Variants in EYA3 observed in about 807,000 individuals in gnomAD.
EYA3 encodes EYA transcriptional coactivator and phosphatase 3.
A neutral mutation model predicts 80.0 loss-of-function variants in EYA3; 39 were observed. The observed-to-expected ratio is 0.49, with a 90% CI of 0.38 to 0.64. The LOEUF is 0.64. Ranked by LOEUF, EYA3 falls within the 30% of genes least tolerant of loss-of-function variation. The pLI, the probability that EYA3 is intolerant of heterozygous loss-of-function variation, is 0.00. For missense variants in EYA3, 523 were observed against 676.1 expected (o/e 0.77, Z 2.51); for synonymous variants, 206 against 232.8 (o/e 0.88, Z 1.05).
chr1:28,038,940 T>A, intron 4 of EYA3, 35 bp from the exon 5 acceptor site: 2 of 1,484,628 alleles, frequency 1.3e-6, no homozygotes, highest in Non-Finnish European at 1.9e-6. Flanking sequence ...GTTAAAAAGT[T>A]AGAACATTTC....
In EYA3 at chr1:28,085,529, C is replaced by G. The variant is rs74596317; in HGVS notation, c.-69+2995G>C. Among the ~76,000 whole-genome samples the G allele has an allele frequency of 2.6e-3, 398 of 152,168 alleles. 1 individual carries two copies. The highest frequency in any genetic ancestry group is 8.8e-3 in the African/African-American group (365 of 41,512). On this transcript the variant is annotated intron_variant, in intron 1 of 17. Coordinates refer to ENST00000373871, the MANE Select transcript of EYA3 (RefSeq NM_001990.4). The stretch of plus-strand genomic sequence containing the variant: ...CAGGATTCAAGGACCAAAAAACAAA[C>G]AAACAAAACAAGTAAGACAAAGTAC...
At chr1:28,082,118 T>C (rs1253965816) in intron 1 of EYA3, among the ~76,000 whole-genome samples, 2 of 152,042 alleles carry the variant, frequency 1.3e-5, no homozygotes, top group African/African-American at 4.8e-5. Context: ...AAAGCTACTA[T>C]AAAAAAACAG....
chr1:28,017,054 A>T (rs1642116155), intron 8 of EYA3, 100 bp downstream of exon 8: 3 of 1,008,572 alleles, frequency 3.0e-6, no homozygotes. Context: ...AGCCCATACT[A>T]TTCCTGGTTG....
At chr1:27,984,494 CT>C (rs1174473420) in intron 16 of EYA3, among the ~76,000 whole-genome samples, 1 of 151,948 alleles carries the variant, frequency 6.6e-6, no homozygotes, top group African/African-American at 2.4e-5. Flanking sequence ...AAAAACTTAC[CT>C]TTTGCGGTAA....
Position 28,013,142 on chromosome 1 carries a change from C to T in EYA3, c.738G>A (p.Ala246=), listed in dbSNP as rs781282483. The change falls in exon 9 of 18, where the codon GCG becomes GCA. Residue 246 remains alanine (A), a synonymous_variant. Coordinates refer to ENST00000373871, the MANE Select transcript of EYA3 (RefSeq NM_001990.4). This position sits in a 1 kb window ranked among gnomAD's most constrained non-coding sequence, Gnocchi z 4.0. ...TYQSEKPSVM[A]PAPAAQRLSS... ...AAAGTCTCTGTGCTGCAGGTGCAGGCGCCATGACACTAGGCTTCTCCGACT... is the reference window on the plus strand; with the variant it reads ...AAAGTCTCTGTGCTGCAGGTGCAGGTGCCATGACACTAGGCTTCTCCGACT... The T allele has an allele frequency of 8.1e-6, 13 of 1,613,562 alleles. No individual in the cohort carries two copies. In the African/African-American group the frequency reaches 1.2e-4, roughly 15 times the overall value.
chr1:28,068,669 T>G (rs1644916934), intron 1 of EYA3, among the ~76,000 whole-genome samples: 1 of 152,182 alleles, frequency 6.6e-6, no homozygotes, highest in African/African-American at 2.4e-5. Context: ...GACATTCTTT[T>G]TATGCTACGT....
chr1:28,033,037 G>A (rs1643235306), intron 6 of EYA3, among the ~76,000 whole-genome samples: 1 of 152,104 alleles, frequency 6.6e-6, no homozygotes, highest in Admixed American at 6.6e-5. Context: ...ATACTATACA[G>A]CGTGAAATAC....
chr1:28,057,098 A>G (rs1229238283), intron 2 of EYA3, among the ~76,000 whole-genome samples: 1 of 152,204 alleles, frequency 6.6e-6, no homozygotes, highest in Admixed American at 6.5e-5. Flanking sequence ...GGCTAGAAGA[A>G]TAATGACAAA....
chr1:28,050,506 A>C (rs1223584060), intron 2 of EYA3, among the ~76,000 whole-genome samples: 1 of 151,932 alleles, frequency 6.6e-6, no homozygotes, highest in Non-Finnish European at 1.5e-5. Flanking sequence ...CTGGCCAAAA[A>C]TTTATTTACT....
intron 10 of EYA3, among the ~76,000 whole-genome samples, chr1:28,005,846 T>A (rs1641229908): frequency 6.6e-6 from 1 of 152,156 alleles, no homozygotes; most frequent in South Asian, 2.1e-4. Context: ...GGCTCATGCC[T>A]ATAATTCCAG....
Position 28,042,602 on chromosome 1 carries a change from G to A in EYA3, c.126C>T (p.Ser42=), listed in dbSNP as rs1361519342. The change falls in exon 4 of 18, where the codon AGC becomes AGT. Residue 42 remains serine (S), a synonymous_variant. Coordinates refer to ENST00000373871, the MANE Select transcript of EYA3 (RefSeq NM_001990.4). ...DVSDQKPETS[S]LASNLPMSEE... Reference sequence around the variant, plus strand: ...CTGACATGGGAAGGTTTGAAGCAAGGCTTGATGTTTCAGGCTTCTGATCAC... The same window carrying A: ...CTGACATGGGAAGGTTTGAAGCAAGACTTGATGTTTCAGGCTTCTGATCAC... 6.2e-7 allele frequency: 1 copy of A among 1,614,178 alleles called. No individual in the cohort carries two copies.
chr1:28,018,363 G>C (rs1197397029), intron 7 of EYA3, among the ~76,000 whole-genome samples: 1 of 152,176 alleles, frequency 6.6e-6, no homozygotes, highest in African/African-American at 2.4e-5. Context: ...GCACTAACCA[G>C]TGACTTTTCT....
chr1:27,979,692 T>G (rs1374081560), intron 16 of EYA3, among the ~76,000 whole-genome samples: 1 of 152,240 alleles, frequency 6.6e-6, no homozygotes, highest in Non-Finnish European at 1.5e-5. Context: ...TTTGGCTTTC[T>G]TCTTCATCCT....
chr1:28,071,557 A>G (rs576127401), intron 1 of EYA3, among the ~76,000 whole-genome samples: 1 of 152,314 alleles, frequency 6.6e-6, no homozygotes, highest in East Asian at 1.9e-4. Flanking sequence ...TCATTGGAAA[A>G]ACGTGACTTT....
chr1:28,030,672 C>T (rs186099390), intron 6 of EYA3, among the ~76,000 whole-genome samples: 2 of 152,302 alleles, frequency 1.3e-5, no homozygotes, highest in Admixed American at 1.3e-4. Context: ...TTTTAAGAGA[C>T]TGAGGAATAC....
intron 2 of EYA3, 132 bp from the exon 3 acceptor site, chr1:28,048,558 C>T (rs1644121308): frequency 1.9e-6 from 1 of 530,292 alleles, no homozygotes; most frequent in Admixed American, 3.7e-5. Context: ...TTAATTAACC[C>T]TTGTTATATT....
intron 2 of EYA3, among the ~76,000 whole-genome samples, chr1:28,052,255 C>T (rs557738212): frequency 9.9e-5 from 15 of 152,248 alleles, no homozygotes; most frequent in East Asian, 5.8e-4. Context: ...CTGCCCACCT[C>T]GGCCTCCCAA....
At chr1:27,974,699 T>C (rs1302620708) in intron 17 of EYA3, among the ~76,000 whole-genome samples, 153 bp from the exon 18 acceptor site, 1 of 152,216 alleles carries the variant, frequency 6.6e-6, no homozygotes, top group Non-Finnish European at 1.5e-5. Context: ...GATCAAATAA[T>C]CATATGCATA....
At position 27,974,460 on chromosome 1, in the gene EYA3, C is replaced by T. The variant is rs372105755; in HGVS notation, c.*6G>A. 14 of 1,611,172 alleles carry T rather than the reference C, an allele frequency of 8.7e-6. No homozygotes were observed. Among genetic ancestry groups the T allele is most frequent in the African/African-American group, 5.3e-5 (4 of 74,850 alleles). On this transcript the variant is annotated 3_prime_UTR_variant, in exon 18 of 18. Transcript: ENST00000373871. ...AGCTCAAGGGGAAGGCTCCTCATTC[C>T]AGTTCTTAGAGAAAATCAAGCTCTA...
Sources: allele counts gnomAD v4.1 joint callset (sites outside exome capture counted in the v4.1 genomes callset), GRCh38; gene constraint gnomAD v4.1.1; non-coding constraint Gnocchi (gnomAD v3.1); transcripts MANE v1.5; gene names NCBI Gene and HGNC (gene_info 2026-07-23, HGNC 2026-07-21).